Variants in VAMP4 observed in about 807,000 individuals in gnomAD.
VAMP4 encodes the protein vesicle-associated membrane protein 4.
Under a neutral mutation model 23.5 loss-of-function variants are expected in VAMP4, and 19 were observed. That is an observed-to-expected ratio of 0.81 (90% CI 0.56 to 1.19). The LOEUF is 1.19. VAMP4 is among the 50% of genes most tolerant of loss of function. The pLI is 0.00. For missense variants in VAMP4, 145 were observed against 168.6 expected (o/e 0.86, Z 0.78); for synonymous variants, 31 against 51.0 (o/e 0.61, Z 1.67).
chr1:171,734,368 A>G (rs994789425), intron 2 of VAMP4, among the ~76,000 whole-genome samples: 3 of 152,118 alleles, frequency 2.0e-5, no homozygotes, highest in African/African-American at 7.2e-5. Flanking sequence ...ACAAAAGGCT[A>G]TATGTTATAT....
chr1:171,739,032 T>C (rs1467636499), intron 1 of VAMP4, among the ~76,000 whole-genome samples: 2 of 152,342 alleles, frequency 1.3e-5, no homozygotes, highest in East Asian at 3.9e-4. Flanking sequence ...AATATACTCA[T>C]TTGGTCTTAA....
chr1:171,718,917 C>T (rs1392908682), intron 4 of VAMP4, among the ~76,000 whole-genome samples: 2 of 152,114 alleles, frequency 1.3e-5, no homozygotes, highest in Admixed American at 6.6e-5. Flanking sequence ...CTGTAAAGGA[C>T]CAGACACTCA....
chr1:171,706,717 T>C (rs948753333), intron 6 of VAMP4, among the ~76,000 whole-genome samples: 2 of 152,222 alleles, frequency 1.3e-5, no homozygotes, highest in Non-Finnish European at 2.9e-5. Flanking sequence ...CTACCTTCGA[T>C]GTATTGAACC....
At position 171,709,672 on chromosome 1, in the gene VAMP4, C is replaced by T; in HGVS notation, c.338G>A (p.Gly113Glu). The T allele has an allele frequency of 1.2e-6, 2 of 1,612,040 alleles. No homozygotes were observed. The highest frequency in any genetic ancestry group is 8.5e-7 in the Non-Finnish European group (1 of 1,178,792). Reference protein sequence around the residue: ...KQLRRQMWWRGCKIKAIMALV... With the variant: ...KQLRRQMWWRECKIKAIMALV... ...AGCTTCTGATTTACTTACTTTGCAT[C>T]CACGCCACCACATTTGCCTTCGAAG... Residue 113 changes from glycine to glutamate, a missense_variant, in exon 6 of 8, where the codon GGA becomes GAA. By Grantham distance (98) the Gly-to-Glu change is moderately conservative (BLOSUM62 -2). Coordinates refer to ENST00000236192, the MANE Select transcript of VAMP4 (RefSeq NM_003762.5).
At chr1:171,720,888 A>G (rs1390962688) in intron 3 of VAMP4, among the ~76,000 whole-genome samples, 3 of 152,102 alleles carry the variant, frequency 2.0e-5, no homozygotes, top group Non-Finnish European at 4.4e-5. Context: ...CAATACCTCT[A>G]ATGAACATAG....
intron 2 of VAMP4, among the ~76,000 whole-genome samples, chr1:171,730,813 A>G (rs568623081): frequency 5.9e-5 from 9 of 152,304 alleles, no homozygotes; most frequent in African/African-American, 1.9e-4. Flanking sequence ...CTACCATAAG[A>G]AAAGGCATAA....
intron 6 of VAMP4, among the ~76,000 whole-genome samples, chr1:171,708,872 CAAAGA>C (rs376501637): frequency 0.14 from 7,218 of 50,410 alleles, 205 homozygotes; most frequent in East Asian, 0.38. Context: ...AACTCTATCT[CAAAGA>C]AAAAAAAAAA....
chr1:171,726,479 C>T (rs1002670153), intron 3 of VAMP4, among the ~76,000 whole-genome samples: 3 of 152,260 alleles, frequency 2.0e-5, no homozygotes, highest in African/African-American at 7.2e-5. Flanking sequence ...AAACCTAGAC[C>T]TGTCTGAGAG....
intron 6 of VAMP4, among the ~76,000 whole-genome samples, chr1:171,707,926 T>C (rs1654710845): frequency 1.3e-5 from 2 of 152,054 alleles, no homozygotes; most frequent in African/African-American, 2.4e-5. Flanking sequence ...GTACATGAGT[T>C]TGGGAGAGAG....
chr1:171,730,584 T>TA lies in VAMP4; in HGVS notation c.67-2015dup, dbSNP rs140835133. 4.3e-3 allele frequency among the ~76,000 whole-genome samples: 646 copies of TA among 151,936 alleles called. 3 individuals carry two copies. The highest frequency in any genetic ancestry group is 0.015 in the African/African-American group (626 of 41,414). On this transcript the variant is annotated intron_variant, in intron 2 of 7. Transcript: ENST00000236192. ...GAGGAAGGGGGAACAGGACTAGAAT[T>TA]AAAAAGTAAAACAATGGAAGGGCCT...
At chr1:171,717,619 T>C (rs776952269) in intron 4 of VAMP4, among the ~76,000 whole-genome samples, 28 of 61,338 alleles carry the variant, frequency 4.6e-4, no homozygotes, top group Admixed American at 4.2e-4. Flanking sequence ...TGACCTCCCC[T>C]TTTTTTTTTA....
At chr1:171,717,149 CT>C in intron 4 of VAMP4, among the ~76,000 whole-genome samples, 1 of 152,302 alleles carries the variant, frequency 6.6e-6, no homozygotes, top group South Asian at 2.1e-4. Flanking sequence ...ACATCCCTTA[CT>C]AGGTTCACTC....
chr1:171,704,866 T>TA (rs1654599619), intron 7 of VAMP4, among the ~76,000 whole-genome samples: 1 of 152,040 alleles, frequency 6.6e-6, no homozygotes, highest in Non-Finnish European at 1.5e-5. Context: ...CTTAGTTTTT[T>TA]AAAAAACATG....
chr1:171,729,182 G>T (rs1227722378), intron 2 of VAMP4, among the ~76,000 whole-genome samples: 2 of 152,132 alleles, frequency 1.3e-5, no homozygotes, highest in South Asian at 2.1e-4. Flanking sequence ...TCCAAAAGGT[G>T]ACTAAAGAAG....
At chr1:171,705,298 C>T (rs1326966640) in intron 7 of VAMP4, among the ~76,000 whole-genome samples, 3 of 152,010 alleles carry the variant, frequency 2.0e-5, no homozygotes, top group African/African-American at 7.2e-5. Flanking sequence ...GTATTTTTTC[C>T]ATGAAGACAC....
intron 2 of VAMP4, among the ~76,000 whole-genome samples, chr1:171,735,609 TG>T (rs1655715400): frequency 4.6e-5 from 7 of 152,184 alleles, no homozygotes; most frequent in Non-Finnish European, 7.4e-5. Context: ...CAAGCATCTC[TG>T]GGTAAGTGAC....
At chr1:171,714,357 AAC>A (rs1477113950) in intron 4 of VAMP4, among the ~76,000 whole-genome samples, 7 of 152,342 alleles carry the variant, frequency 4.6e-5, no homozygotes, top group Admixed American at 2.6e-4. Context: ...ATGCCTTAAA[AAC>A]AGAGACTAAC....
intron 6 of VAMP4, among the ~76,000 whole-genome samples, chr1:171,708,245 C>T (rs1654727255): frequency 6.8e-6 from 1 of 147,384 alleles, no homozygotes; most frequent in Non-Finnish European, 1.5e-5. Flanking sequence ...GAGGCTGAGG[C>T]ATGAGAATCA....
intron 2 of VAMP4, among the ~76,000 whole-genome samples, chr1:171,733,084 G>C (rs777578713): frequency 5.9e-5 from 9 of 151,978 alleles, no homozygotes; most frequent in Non-Finnish European, 1.0e-4. Flanking sequence ...AAATGCATTA[G>C]GTCATTTTTT....
Sources: allele counts gnomAD v4.1 joint callset (sites outside exome capture counted in the v4.1 genomes callset), GRCh38; gene constraint gnomAD v4.1.1; transcripts MANE v1.5; gene names NCBI Gene and HGNC (gene_info 2026-07-23, HGNC 2026-07-21).